Variants in MGST1 observed in about 807,000 individuals in gnomAD.
MGST1 encodes microsomal glutathione S-transferase 1, also known as glutathione S-transferase 12.
MGST1 carries 5 observed loss-of-function variants against 8.9 expected under a neutral mutation model. The observed-to-expected ratio is 0.56, with a 90% confidence interval of 0.29 to 1.19. The LOEUF is 1.19. Among genes scored for constraint, MGST1 ranks in the 50% most tolerant of loss-of-function variants. The probability of loss-of-function intolerance (pLI) is 0.08; values close to 1 mark genes in which losing one functional copy is unlikely to be tolerated. For missense variants in MGST1, 182 were observed against 187.4 expected, an observed-to-expected ratio of 0.97 and a Z score of 0.17; for synonymous variants, 54 against 67.8, an observed-to-expected ratio of 0.80 and a Z score of 1.00.
rs187314107 is a variant in MGST1 at position 16,387,563 on chromosome 12, G to T, written n.778+3959G>T. Among the ~76,000 whole-genome samples the T allele has an allele frequency of 4.1e-3, 601 of 146,808 alleles. 1 individual carries two copies. Among genetic ancestry groups the T allele is most frequent in the Middle Eastern group, 7.2e-3 (2 of 278 alleles). ...TTTTTTTGAGATGGAGTCTCGCTCT[G>T]TTGCCCAGGCTGGAGTGCAGTGGGG... On this transcript the variant is annotated intron_variant and non_coding_transcript_variant, in intron 1 of 1. Transcript: ENST00000359720.
chr12:16,510,580 A>C (rs1941570595), intron 4 of MGST1, among the ~76,000 whole-genome samples: 1 of 152,188 alleles, frequency 6.6e-6, no homozygotes, highest in Admixed American at 6.5e-5. Context: ...TCCATTTTGA[A>C]TTTGTATTTT....
chr12:16,565,218 A>G (rs540612802), intron 4 of MGST1, among the ~76,000 whole-genome samples: 14 of 152,248 alleles, frequency 9.2e-5, no homozygotes, highest in Non-Finnish European at 1.9e-4. Flanking sequence ...AATTGCAATC[A>G]ATTGAAAAGA....
intron 1 of MGST1, among the ~76,000 whole-genome samples, chr12:16,412,394 T>A (rs1239300795): frequency 6.6e-6 from 1 of 152,222 alleles, no homozygotes; most frequent in Admixed American, 6.5e-5. Flanking sequence ...TTTCCTAATA[T>A]CTGCCCAGTT....
chr12:16,464,047 G>A (rs1326424230), intron 4 of MGST1, among the ~76,000 whole-genome samples: 1 of 152,186 alleles, frequency 6.6e-6, no homozygotes, highest in Non-Finnish European at 1.5e-5. Flanking sequence ...ATTACTCGTT[G>A]ACTATTGAAA....
chr12:16,430,817 C>G (rs949771882), intron 1 of MGST1, among the ~76,000 whole-genome samples: 5 of 152,148 alleles, frequency 3.3e-5, no homozygotes, highest in Non-Finnish European at 5.9e-5. Flanking sequence ...TCTGCATTAG[C>G]CTCTAACAAG....
At chr12:16,460,314 G>A (rs568385389) in intron 4 of MGST1, among the ~76,000 whole-genome samples, 6 of 152,238 alleles carry the variant, frequency 3.9e-5, no homozygotes, top group African/African-American at 1.4e-4. Context: ...ATTTTCTGCT[G>A]GAGGAATCGG....
At chr12:16,445,994 A>G (rs1271148891) in intron 4 of MGST1, among the ~76,000 whole-genome samples, 1 of 151,904 alleles carries the variant, frequency 6.6e-6, no homozygotes, top group Non-Finnish European at 1.5e-5. Flanking sequence ...AAGTTACTCT[A>G]ATTGGCATGT....
At chr12:16,375,226 G>T (rs984670651) in intron 3 of MGST1, among the ~76,000 whole-genome samples, 1 of 151,446 alleles carries the variant, frequency 6.6e-6, no homozygotes, top group Non-Finnish European at 1.5e-5. Flanking sequence ...CATAAAGTTT[G>T]GAAAAAATAG....
chr12:16,403,728 A>G (rs983015313), intron 1 of MGST1, among the ~76,000 whole-genome samples: 1 of 152,136 alleles, frequency 6.6e-6, no homozygotes, highest in Non-Finnish European at 1.5e-5. Context: ...GGAAACTTAT[A>G]GTCATGGCAG....
rs1206560622 is a variant in MGST1 at position 16,559,708 on chromosome 12, T to C, written n.483-29820T>C. On this transcript the variant is annotated intron_variant and non_coding_transcript_variant, in intron 4 of 4. Coordinates refer to the MGST1 transcript ENST00000538857. The surrounding 1 kb of genome is among the most constrained non-coding windows in gnomAD (Gnocchi z 4.1). ...GCTCATGCCTATAATCCCTGCACTTTGGGAGGTGGAGGTGGGAGGATTGCT... is the reference window on the plus strand; with the variant it reads ...GCTCATGCCTATAATCCCTGCACTTCGGGAGGTGGAGGTGGGAGGATTGCT... 6.6e-6 allele frequency among the ~76,000 whole-genome samples: 1 copy of C among 151,808 alleles called. No individual in the cohort carries two copies. Among genetic ancestry groups the C allele is most frequent in the East Asian group, 1.9e-4 (1 of 5,174 alleles).
chr12:16,514,320 C>T, intron 4 of MGST1: 1 of 299,430 alleles, frequency 3.3e-6, no homozygotes, highest in Non-Finnish European at 6.6e-6. Context: ...TGATGTGTCC[C>T]ATGTATTCCA....
chr12:16,516,254 T>C (rs1261421543), intron 4 of MGST1, among the ~76,000 whole-genome samples: 1 of 152,246 alleles, frequency 6.6e-6, no homozygotes, highest in Non-Finnish European at 1.5e-5. Flanking sequence ...AAGCTATTGT[T>C]ACTTTAACCC....
chr12:16,516,711 C>CT (rs1470612173), intron 4 of MGST1, among the ~76,000 whole-genome samples: 2 of 151,952 alleles, frequency 1.3e-5, no homozygotes, highest in Non-Finnish European at 2.9e-5. Flanking sequence ...GAGGGCATTG[C>CT]TTTTTTTAAA....
rs1361175701 is a variant in MGST1, at chr12:16,555,726, G to T, written n.483-33802G>T. 6.6e-6 allele frequency among the ~76,000 whole-genome samples: 1 copy of T among 152,046 alleles called. No homozygotes were observed. The highest frequency in any genetic ancestry group is 1.5e-5 in the Non-Finnish European group (1 of 68,038). On this transcript the variant is annotated intron_variant and non_coding_transcript_variant, in intron 4 of 4. Coordinates refer to the MGST1 transcript ENST00000538857. This position sits in a 1 kb window ranked among gnomAD's most constrained non-coding sequence, Gnocchi z 5.5. ...CTCTAATCTCTGAACATACTGAGCC[G>T]CTTTTCATTTCCTAAACACGTCAAA...
chr12:16,536,616 G>T (rs1941758339), intron 4 of MGST1, among the ~76,000 whole-genome samples: 1 of 152,176 alleles, frequency 6.6e-6, no homozygotes, highest in Admixed American at 6.5e-5. Flanking sequence ...AGGAAGAAGA[G>T]GTTTAATTGG....
At chr12:16,580,396 C>G in intron 4 of MGST1, among the ~76,000 whole-genome samples, 1 of 152,140 alleles carries the variant, frequency 6.6e-6, no homozygotes, top group East Asian at 1.9e-4. Flanking sequence ...TTTAGAGGAC[C>G]ACTTCTATGG....
intron 1 of MGST1, among the ~76,000 whole-genome samples, chr12:16,434,080 A>T (rs1418597487): frequency 1.3e-5 from 2 of 152,108 alleles, no homozygotes; most frequent in Admixed American, 1.3e-4. Flanking sequence ...CTAATTAAGG[A>T]CCTGCACTTC....
intron 4 of MGST1, among the ~76,000 whole-genome samples, chr12:16,538,365 T>C (rs1941770148): frequency 6.6e-6 from 1 of 152,154 alleles, no homozygotes; most frequent in Non-Finnish European, 1.5e-5. Flanking sequence ...ACATTTCCTG[T>C]CTTCTGAGCC....
intron 4 of MGST1, among the ~76,000 whole-genome samples, chr12:16,487,069 G>A (rs1232740078): frequency 6.6e-6 from 1 of 152,122 alleles, no homozygotes; most frequent in Non-Finnish European, 1.5e-5. Context: ...CTGATGCTCA[G>A]CATTGCAAGA....
Sources: gnomAD v4.1 joint callset for allele counts (sites outside exome capture counted in the v4.1 genomes callset) on GRCh38, gnomAD v4.1.1 for gene constraint, Gnocchi (gnomAD v3.1) non-coding constraint, MANE v1.5 for transcripts, NCBI Gene and HGNC (gene_info 2026-07-23, HGNC 2026-07-21) for gene names.